The following ANKFY1 variants were observed in gnomAD, a reference collection of about 807,000 sequenced individuals.
ANKFY1 encodes ankyrin repeat and FYVE domain-containing protein 1.
ANKFY1 carries 47 observed loss-of-function variants against 128.3 expected under a neutral mutation model. The observed-to-expected ratio is 0.37, with a 90% confidence interval of 0.29 to 0.47. The LOEUF is 0.47. Ranked by LOEUF, ANKFY1 falls within the 20% of genes least tolerant of loss-of-function variation. The pLI, the probability that ANKFY1 is intolerant of heterozygous loss-of-function variation, is 1.00. For synonymous variants in ANKFY1, 553 were observed against 601.6 expected (o/e 0.92, Z 1.18); for missense variants, 1,222 against 1,510.6 (o/e 0.81, Z 3.17).
chr17:4,170,790 C>G lies in ANKFY1; in HGVS notation c.3211G>C (p.Gly1071Arg). 6.2e-7 allele frequency: 1 copy of G among 1,614,146 alleles called. No individual in the cohort carries two copies. The highest frequency in any genetic ancestry group is 8.5e-7 in the Non-Finnish European group (1 of 1,180,020). ...TTGACTCCCTGGTTGTTATTCACCC[C>G]GAGGCGAGCCCCCGACCGGACGATG... ...RAIVRSGARL[G>R]VNNNQGVNIF... Residue 1071 changes from glycine to arginine, a missense_variant, in exon 23 of 25, where the codon GGG becomes CGG. Physicochemically the swap from Gly to Arg is moderately radical, Grantham distance 125. Coordinates refer to ENST00000341657, the MANE Select transcript of ANKFY1 (RefSeq NM_001330063.2).
intron 3 of ANKFY1, among the ~76,000 whole-genome samples, chr17:4,228,686 G>C (rs2060465898): frequency 6.6e-6 from 1 of 152,166 alleles, no homozygotes; most frequent in Admixed American, 6.5e-5. Context: ...CAAAGTGCTG[G>C]AATTACAGGC....
intron 3 of ANKFY1, among the ~76,000 whole-genome samples, chr17:4,220,077 G>A (rs1054163234): frequency 1.2e-4 from 18 of 152,062 alleles, no homozygotes; most frequent in South Asian, 6.2e-4. Flanking sequence ...CACCTGCTTC[G>A]GCCTCCCAAA....
chr17:4,175,771 A>C (rs1009538227), intron 19 of ANKFY1, among the ~76,000 whole-genome samples: 1 of 152,200 alleles, frequency 6.6e-6, no homozygotes, highest in Admixed American at 6.5e-5. Context: ...AGGGATCATA[A>C]CTGGCCCCAC....
At chr17:4,184,629 AAC>A (rs2059577612) in intron 12 of ANKFY1, among the ~76,000 whole-genome samples, 187 bp downstream of exon 12, 1 of 152,228 alleles carries the variant, frequency 6.6e-6, no homozygotes, top group Non-Finnish European at 1.5e-5. Flanking sequence ...CCATCCTGAA[AAC>A]ACACACAGGG....
intron 3 of ANKFY1, among the ~76,000 whole-genome samples, chr17:4,229,350 G>T (rs2060476822): frequency 6.6e-6 from 1 of 152,048 alleles, no homozygotes; most frequent in Non-Finnish European, 1.5e-5. Context: ...CTTGAGCCCA[G>T]GAGGTGGAGG....
chr17:4,165,705 A>G lies in ANKFY1; in HGVS notation c.*2074T>C, dbSNP rs780737839. 8.5e-5 allele frequency: 13 copies of G among 152,346 alleles called. No homozygotes were observed. The highest frequency in any genetic ancestry group is 8.5e-4 in the Admixed American group (13 of 15,304). The allele number at this position is 152,346 out of a possible 1,614,324, so 9.4% of individuals were successfully genotyped here. A position where few individuals can be genotyped will look rare whatever the true frequency, so the allele number is the denominator to read the frequency against. ...TCAGGCTTAGAAGCAAGTTTGAATCAACATATTTGAAACATGATCTTAAGA... is the reference window on the plus strand; with the variant it reads ...TCAGGCTTAGAAGCAAGTTTGAATCGACATATTTGAAACATGATCTTAAGA... On this transcript the variant is annotated 3_prime_UTR_variant, in exon 25 of 25. Transcript: ENST00000341657.
At chr17:4,208,991 G>A (rs1242606425) in intron 5 of ANKFY1, among the ~76,000 whole-genome samples, 3 of 152,024 alleles carry the variant, frequency 2.0e-5, no homozygotes, top group South Asian at 2.1e-4. Context: ...CCTGGGAGGC[G>A]GAGGTTGCAG....
intron 1 of ANKFY1, among the ~76,000 whole-genome samples, chr17:4,249,612 A>G (rs1452404490): frequency 6.6e-6 from 1 of 152,194 alleles, no homozygotes; most frequent in Non-Finnish European, 1.5e-5. Flanking sequence ...AAAGCAGTTT[A>G]TCTATCTGGA....
chr17:4,205,608 G>A (rs996660556), intron 7 of ANKFY1, among the ~76,000 whole-genome samples: 1 of 152,036 alleles, frequency 6.6e-6, no homozygotes, highest in Non-Finnish European at 1.5e-5. Context: ...TGGGCGTGGT[G>A]GTGGGCACCT....
chr17:4,223,366 G>A, intron 3 of ANKFY1: 1 of 1,588,990 alleles, frequency 6.3e-7, no homozygotes. Flanking sequence ...TGGCTATTCA[G>A]ATTGCCTGTG....
rs2059449876 is a variant in ANKFY1 at position 4,178,496 on chromosome 17, G to A, written c.2598+361C>T. 1.2e-5 allele frequency: 3 copies of A among 259,466 alleles called. No homozygotes were observed. The highest frequency in any genetic ancestry group is 2.3e-5 in the Non-Finnish European group (3 of 129,844). 16.1% of individuals were successfully genotyped at this position (259,466 alleles called of 1,614,324 possible). A position where few individuals can be genotyped will look rare whatever the true frequency, so the allele number is the denominator to read the frequency against. Reference sequence around the variant, plus strand: ...AACTGAACTCCTCGGAAACACTCAGGAAGTTGCCCCAACATCACAACACAA... The same window carrying A: ...AACTGAACTCCTCGGAAACACTCAGAAAGTTGCCCCAACATCACAACACAA... On this transcript the variant is annotated intron_variant, in intron 18 of 24. Transcript: ENST00000341657. This position sits in a 1 kb window ranked among gnomAD's most constrained non-coding sequence, Gnocchi z 4.1.
intron 4 of ANKFY1, 120 bp downstream of exon 4, chr17:4,216,863 T>C: frequency 7.0e-7 from 1 of 1,426,526 alleles, no homozygotes; most frequent in South Asian, 1.2e-5. Flanking sequence ...GCATCGCCTT[T>C]AAAGGAACAC....
intron 3 of ANKFY1, among the ~76,000 whole-genome samples, chr17:4,221,203 AACTG>A (rs1567956215): frequency 3.3e-5 from 5 of 152,202 alleles, no homozygotes; most frequent in Admixed American, 2.0e-4. Context: ...ATACTGAGTA[AACTG>A]ACTTTGTTTT....
chr17:4,186,061 C>T (rs73322870), intron 11 of ANKFY1, among the ~76,000 whole-genome samples: 144 of 152,300 alleles, frequency 9.5e-4, no homozygotes, highest in African/African-American at 3.4e-3. Context: ...ACATTTGGAA[C>T]CATTATTACC....
Position 4,172,351 on chromosome 17 carries a change from C to T in ANKFY1, c.3139+205G>A, listed in dbSNP as rs370221348. ...GAGAAGGGTATGGATGGTTTCAGAG[C>T]GCTACATGCACTTGAGATGGGACAG... On this transcript the variant is annotated intron_variant, in intron 22 of 24. Coordinates refer to ENST00000341657, the MANE Select transcript of ANKFY1 (RefSeq NM_001330063.2). 1.1e-4 allele frequency among the ~76,000 whole-genome samples: 17 copies of T among 152,222 alleles called. No individual in the cohort carries two copies. In the East Asian group the frequency reaches 2.1e-3, roughly 19 times the overall value.
At chr17:4,168,278 A>AC (rs2059248301) in intron 24 of ANKFY1, 1 of 159,362 alleles carries the variant, frequency 6.3e-6, no homozygotes, top group Non-Finnish European at 1.4e-5. Context: ...ACATGGTGAA[A>AC]CCCCGTCTCT....
At chr17:4,233,410 C>G (rs2060547988) in intron 3 of ANKFY1, among the ~76,000 whole-genome samples, 1 of 151,716 alleles carries the variant, frequency 6.6e-6, no homozygotes, top group South Asian at 2.1e-4. Context: ...ATCACGTGGA[C>G]TGGTACCCTC....
chr17:4,254,840 AG>A lies in ANKFY1; in HGVS notation c.10+9091del. On this transcript the variant is annotated intron_variant, in intron 1 of 24. Transcript: ENST00000341657. ...TTTTTTATGTCTCCTATGGCAGTTAAGTTCTTCACATTCATCATCTCAGATT... is the reference window on the plus strand; with the variant it reads ...TTTTTTATGTCTCCTATGGCAGTTAATTCTTCACATTCATCATCTCAGATT... Among the ~76,000 whole-genome samples the A allele has an allele frequency of 2.6e-5, 4 of 152,318 alleles. No individual in the cohort carries two copies. In the Middle Eastern group the frequency reaches 0.01, roughly 389 times the overall value.
At chr17:4,251,346 G>C (rs1251294106) in intron 1 of ANKFY1, among the ~76,000 whole-genome samples, 3 of 152,046 alleles carry the variant, frequency 2.0e-5, no homozygotes, top group African/African-American at 7.2e-5. Context: ...GGCTGGGGAG[G>C]AAGGATCACT....
Sources: gnomAD v4.1 joint callset for allele counts (sites outside exome capture counted in the v4.1 genomes callset) on GRCh38, gnomAD v4.1.1 for gene constraint, Gnocchi (gnomAD v3.1) non-coding constraint, MANE v1.5 for transcripts, NCBI Gene and HGNC (gene_info 2026-07-23, HGNC 2026-07-21) for gene names.